Variants in LARGE1 observed in about 807,000 individuals in gnomAD.
The protein encoded by LARGE1 is LARGE xylosyl- and glucuronyltransferase 1, also known as xylosyl- and glucuronyltransferase LARGE1.
Under a neutral mutation model 87.6 loss-of-function variants are expected in LARGE1, and 43 were observed. That is an observed-to-expected ratio of 0.49 (90% CI 0.38 to 0.63). The LOEUF (loss-of-function observed/expected upper bound fraction) is 0.63, where lower values mean the gene tolerates loss of function less well. LARGE1 is among the 30% of genes least tolerant of loss of function. The pLI, the probability that LARGE1 is intolerant of heterozygous loss-of-function variation, is 0.00. For missense variants in LARGE1, 802 were observed against 1,000.2 expected (o/e 0.80, Z 2.67); for synonymous variants, 434 against 394.6 (o/e 1.10, Z -1.18).
chr22:33,575,173 C>T (rs1602516885), intron 5 of LARGE1, among the ~76,000 whole-genome samples: 2 of 152,174 alleles, frequency 1.3e-5, no homozygotes, highest in African/African-American at 4.8e-5. Context: ...AGTTAGGAGA[C>T]AGAAAATGCT....
intron 4 of LARGE1, 70 bp downstream of exon 4, chr22:33,626,174 C>T: frequency 7.1e-7 from 1 of 1,401,016 alleles, no homozygotes; most frequent in Non-Finnish European, 1.0e-6. Flanking sequence ...CCTATTTAAC[C>T]CTTCCCCAAG....
At chr22:33,267,476 A>T (rs1659373876) in intron 11 of LARGE1, among the ~76,000 whole-genome samples, 1 of 151,646 alleles carries the variant, frequency 6.6e-6, no homozygotes, top group East Asian at 1.9e-4. Context: ...GTTATGTTCA[A>T]ATAACTCAGA....
chr22:33,474,289 A>T (rs1345600828), intron 6 of LARGE1, among the ~76,000 whole-genome samples: 1 of 151,964 alleles, frequency 6.6e-6, no homozygotes, highest in Admixed American at 6.6e-5. Flanking sequence ...TCAGCCTCCC[A>T]AGTAGCTGGG....
the LARGE1 span, among the ~76,000 whole-genome samples, chr22:33,147,820 G>T: frequency 1.8e-4 from 27 of 152,128 alleles, no homozygotes; most frequent in East Asian, 4.4e-3. Flanking sequence ...TTTAATTACT[G>T]TTTAATTACC....
intron 1 of LARGE1, among the ~76,000 whole-genome samples, chr22:33,918,424 T>C (rs113340869): frequency 1.1e-3 from 165 of 152,352 alleles, no homozygotes; most frequent in African/African-American, 3.8e-3. Flanking sequence ...TTTGCCTCTC[T>C]GTTCGAGTGA....
intron 11 of LARGE1, among the ~76,000 whole-genome samples, chr22:33,177,545 C>G (rs1415730771): frequency 6.6e-6 from 1 of 151,976 alleles, no homozygotes; most frequent in Non-Finnish European, 1.5e-5. Flanking sequence ...GTTCAAAACT[C>G]CTATGACAAG....
At chr22:33,466,875 C>T (rs1018455826) in intron 6 of LARGE1, among the ~76,000 whole-genome samples, 2 of 152,012 alleles carry the variant, frequency 1.3e-5, no homozygotes, top group African/African-American at 4.8e-5. Flanking sequence ...GCAGTCTCTA[C>T]TAAAAACAAA....
At chr22:33,655,859 G>A (rs240342) in intron 2 of LARGE1, among the ~76,000 whole-genome samples, 95,840 of 152,052 alleles carry the variant, frequency 0.63, 30,736 homozygotes, top group African/African-American at 0.72. Flanking sequence ...TATAATATTA[G>A]ATGCTGGGGA....
chr22:33,471,811 C>A lies in LARGE1; in HGVS notation c.788-39546G>T, dbSNP rs375496412. Among the ~76,000 whole-genome samples, 488 of 152,196 alleles carry A rather than the reference C, an allele frequency of 3.2e-3. 3 individuals carry two copies. The highest frequency in any genetic ancestry group is 0.022 in the South Asian group (104 of 4,826). Reference sequence around the variant, plus strand: ...GCACTTTGGGAGGCCGAGGCGGGCGCATCATGAGGTCAGGAGTTCTAGACC... The same window carrying A: ...GCACTTTGGGAGGCCGAGGCGGGCGAATCATGAGGTCAGGAGTTCTAGACC... On this transcript the variant is annotated intron_variant, in intron 6 of 14. Coordinates refer to ENST00000397394, the MANE Select transcript of LARGE1 (RefSeq NM_133642.5).
At chr22:33,567,127 G>A (rs1054796766) in intron 5 of LARGE1, among the ~76,000 whole-genome samples, 1 of 152,188 alleles carries the variant, frequency 6.6e-6, no homozygotes, top group East Asian at 1.9e-4. Flanking sequence ...TGGGTCTCAT[G>A]AGTCAGCATG....
chr22:33,835,753 T>C (rs2063092892), intron 1 of LARGE1, among the ~76,000 whole-genome samples: 1 of 152,226 alleles, frequency 6.6e-6, no homozygotes, highest in African/African-American at 2.4e-5. Flanking sequence ...AATTGAGGCA[T>C]ACGGTTAAAG....
the LARGE1 span, among the ~76,000 whole-genome samples, chr22:33,071,805 C>G: frequency 6.6e-6 from 1 of 152,164 alleles, no homozygotes; most frequent in Non-Finnish European, 1.5e-5. Flanking sequence ...CAGGGGCCCA[C>G]GTTTGGGAAC....
chr22:33,393,852 A>G (rs1365483365), intron 7 of LARGE1, among the ~76,000 whole-genome samples: 1 of 152,258 alleles, frequency 6.6e-6, no homozygotes, highest in African/African-American at 2.4e-5. Context: ...ACAGAGACCA[A>G]CGCTAAATAA....
intron 1 of LARGE1, among the ~76,000 whole-genome samples, chr22:33,877,566 A>T (rs1256575946): frequency 1.3e-5 from 2 of 152,120 alleles, no homozygotes. Flanking sequence ...ATGTAATACG[A>T]TGATACAGGA....
At chr22:33,312,334 G>A (rs1935689439) in intron 11 of LARGE1, among the ~76,000 whole-genome samples, 1 of 151,956 alleles carries the variant, frequency 6.6e-6, no homozygotes, top group Non-Finnish European at 1.5e-5. Context: ...CCAGCTATTG[G>A]GAGGTTGAGG....
intron 10 of LARGE1, among the ~76,000 whole-genome samples, chr22:33,317,929 A>G (rs890472704): frequency 1.3e-5 from 2 of 151,954 alleles, no homozygotes; most frequent in African/African-American, 4.8e-5. Context: ...AATTCAACAA[A>G]CTGTGCACTT....
chr22:33,430,418 C>T (rs1341895671), intron 7 of LARGE1, among the ~76,000 whole-genome samples: 1 of 152,142 alleles, frequency 6.6e-6, no homozygotes, highest in Admixed American at 6.6e-5. Context: ...CTGCCTTTCC[C>T]CAACCTGGCC....
chr22:33,171,233 C>T (rs369109890), intron 11 of LARGE1, among the ~76,000 whole-genome samples: 8 of 152,114 alleles, frequency 5.3e-5, no homozygotes, highest in South Asian at 2.1e-4. Flanking sequence ...TATGGGTTCA[C>T]GAAGAGATGG....
chr22:33,737,336 G>T (rs1369575700), intron 2 of LARGE1, among the ~76,000 whole-genome samples: 2 of 152,182 alleles, frequency 1.3e-5, no homozygotes, highest in Non-Finnish European at 2.9e-5. Context: ...CTTTGGGGAT[G>T]CAAAATTGAA....
Sources: gnomAD v4.1 joint callset for allele counts (sites outside exome capture counted in the v4.1 genomes callset) on GRCh38, gnomAD v4.1.1 for gene constraint, MANE v1.5 for transcripts, NCBI Gene and HGNC (gene_info 2026-07-23, HGNC 2026-07-21) for gene names.